Variants in NUDT9 observed in about 807,000 individuals in gnomAD.
The protein encoded by NUDT9 is ADP-ribose pyrophosphatase.
Under a neutral mutation model 41.0 loss-of-function variants are expected in NUDT9, and 31 were observed. That is an observed-to-expected ratio of 0.76 (90% CI 0.57 to 1.02). The LOEUF is 1.02. Among genes scored for constraint, NUDT9 ranks in the 50% least tolerant of loss-of-function variants. The pLI is 0.00. For synonymous variants in NUDT9, 146 were observed against 147.6 expected (o/e 0.99, Z 0.08); for missense variants, 380 against 431.4 (o/e 0.88, Z 1.06).
intron 7 of NUDT9, among the ~76,000 whole-genome samples, chr4:87,456,488 G>A (rs1461525041): frequency 4.6e-5 from 7 of 152,136 alleles, no homozygotes; most frequent in Non-Finnish European, 1.0e-4. Flanking sequence ...CCCTCTCCAT[G>A]TTAGAAAGGA....
At chr4:87,457,732 C>T (rs529628631) in intron 7 of NUDT9, 111 bp from the exon 8 acceptor site, 102 of 932,422 alleles carry the variant, frequency 1.1e-4, no homozygotes, top group East Asian at 9.2e-4. Flanking sequence ...TTCACTTGGC[C>T]GGCTAGTACA....
At chr4:87,457,776 T>C (rs563120675) in intron 7 of NUDT9, 67 bp from the exon 8 acceptor site, 2 of 1,400,102 alleles carry the variant, frequency 1.4e-6, no homozygotes, top group African/African-American at 1.5e-5. Context: ...ATAAGAATAC[T>C]TGACGACATA....
intron 5 of NUDT9, among the ~76,000 whole-genome samples, chr4:87,450,730 G>A (rs567290130): frequency 6.6e-6 from 1 of 152,258 alleles, no homozygotes; most frequent in African/African-American, 2.4e-5. Context: ...TAGGTTGAAA[G>A]CAATAACGTA....
intron 4 of NUDT9, among the ~76,000 whole-genome samples, chr4:87,448,803 A>AT (rs1212130963): frequency 1.3e-5 from 2 of 152,132 alleles, no homozygotes; most frequent in Non-Finnish European, 2.9e-5. Flanking sequence ...TCGTAAACTT[A>AT]TTTTTTAAAA....
At chr4:87,433,253 G>A (rs942951146) in intron 1 of NUDT9, among the ~76,000 whole-genome samples, 5 of 151,934 alleles carry the variant, frequency 3.3e-5, no homozygotes, top group African/African-American at 1.2e-4. Flanking sequence ...ATGGTCATCA[G>A]CCCATCCAAG....
At chr4:87,456,823 C>T (rs1189663747) in intron 7 of NUDT9, among the ~76,000 whole-genome samples, 3 of 151,984 alleles carry the variant, frequency 2.0e-5, no homozygotes, top group Non-Finnish European at 4.4e-5. Flanking sequence ...CCCAGGTACT[C>T]GGGGGGCTGA....
rs2110189535 is a variant in NUDT9 at position 87,451,862 on chromosome 4, C to T, written c.789+127C>T. 3 of 764,254 alleles carry T rather than the reference C, an allele frequency of 3.9e-6. No individual in the cohort carries two copies. The East Asian group carries it at 8.0e-5, about 20-fold the overall frequency. 47.3% of individuals were successfully genotyped at this position (764,254 alleles called of 1,614,324 possible). A position where few individuals can be genotyped will look rare whatever the true frequency, so the allele number is the denominator to read the frequency against. On this transcript the variant is annotated intron_variant, in intron 6 of 7. Coordinates refer to ENST00000302174, the MANE Select transcript of NUDT9 (RefSeq NM_024047.5). ...AATACTTGTATATTTAAAATATATT[C>T]ACAAAAACAAATTACAGATCTTCAC...
intron 2 of NUDT9, among the ~76,000 whole-genome samples, chr4:87,436,131 C>G (rs935596028): frequency 2.0e-5 from 3 of 151,962 alleles, no homozygotes; most frequent in Admixed American, 2.0e-4. Flanking sequence ...GTAGCTAGGA[C>G]TATGGGCATG....
intron 1 of NUDT9, among the ~76,000 whole-genome samples, chr4:87,429,533 T>C (rs1006402547): frequency 6.6e-6 from 1 of 152,130 alleles, no homozygotes; most frequent in Non-Finnish European, 1.5e-5. Flanking sequence ...CTCACTTTAT[T>C]TGGTAAATTT....
intron 4 of NUDT9, among the ~76,000 whole-genome samples, chr4:87,447,761 G>T (rs1025865662): frequency 1.3e-5 from 2 of 152,052 alleles, no homozygotes; most frequent in African/African-American, 4.8e-5. Flanking sequence ...AAGCAGGGCC[G>T]GGTGGCTTAC....
At chr4:87,430,615 A>G (rs1721646256) in intron 1 of NUDT9, among the ~76,000 whole-genome samples, 1 of 151,788 alleles carries the variant, frequency 6.6e-6, no homozygotes, top group African/African-American at 2.4e-5. Flanking sequence ...TGTTTTTTTG[A>G]TAGTGGTCAT....
intron 1 of NUDT9, among the ~76,000 whole-genome samples, chr4:87,427,856 T>C (rs1428559275): frequency 6.6e-6 from 1 of 152,196 alleles, no homozygotes; most frequent in Non-Finnish European, 1.5e-5. Context: ...AAAATTTTGC[T>C]TTTTAAAACA....
chr4:87,424,254 G>GTTTTTTTTTTTGT (rs1491208372), intron 1 of NUDT9, among the ~76,000 whole-genome samples: 3 of 99,180 alleles, frequency 3.0e-5, no homozygotes, highest in East Asian at 7.1e-4. Context: ...TCCCTAATGC[G>GTTTTTTTTTTTGT]TTTTTTTTTT....
chr4:87,449,045 G>T (rs1246025609), intron 4 of NUDT9, 97 bp from the exon 5 acceptor site: 1 of 665,452 alleles, frequency 1.5e-6, no homozygotes, highest in Non-Finnish European at 2.7e-6. Context: ...TATATACTCT[G>T]CTTTAAAGAA....
intron 2 of NUDT9, 78 bp from the exon 3 acceptor site, chr4:87,438,199 A>C: frequency 1.3e-6 from 1 of 749,774 alleles, no homozygotes; most frequent in Non-Finnish European, 2.3e-6. Flanking sequence ...CTTATGGATA[A>C]CAGATTGACT....
intron 6 of NUDT9, among the ~76,000 whole-genome samples, chr4:87,453,055 G>A (rs1314224089): frequency 7.2e-5 from 11 of 151,840 alleles, no homozygotes; most frequent in South Asian, 2.1e-4. Context: ...CAGGTGATCC[G>A]CCTGCCTCGG....
At chr4:87,439,746 A>C (rs1722118099) in intron 3 of NUDT9, among the ~76,000 whole-genome samples, 1 of 152,190 alleles carries the variant, frequency 6.6e-6, no homozygotes, top group Admixed American at 6.5e-5. Flanking sequence ...CCCATGATCC[A>C]GTCACCTCCC....
intron 1 of NUDT9, among the ~76,000 whole-genome samples, chr4:87,427,998 G>A (rs926263410): frequency 3.3e-5 from 5 of 152,102 alleles, no homozygotes; most frequent in Non-Finnish European, 5.9e-5. Context: ...CTAAACTGTG[G>A]CAGCTGAGGC....
chr4:87,431,428 T>A (rs1302151604), intron 1 of NUDT9, among the ~76,000 whole-genome samples: 1 of 152,222 alleles, frequency 6.6e-6, no homozygotes, highest in Non-Finnish European at 1.5e-5. Context: ...AATTTTAAGG[T>A]AGAGTTTTCT....
Sources: allele counts gnomAD v4.1 joint callset (sites outside exome capture counted in the v4.1 genomes callset), GRCh38; gene constraint gnomAD v4.1.1; transcripts MANE v1.5; gene names NCBI Gene and HGNC (gene_info 2026-07-23, HGNC 2026-07-21).